ERV3-1: variants seen among roughly 807,000 people sequenced by gnomAD.
The protein encoded by ERV3-1 is endogenous retrovirus group 3 member 1, envelope.
Under a neutral mutation model 24.6 loss-of-function variants are expected in ERV3-1, and 36 were observed. The observed-to-expected ratio is 1.47, with a 90% confidence interval of 1.12 to 1.94. ERV3-1 has a LOEUF of 1.94. Ranked by LOEUF, ERV3-1 falls within the 30% of genes most tolerant of loss-of-function variation. The pLI is 0.00. For synonymous variants in ERV3-1, 211 were observed against 122.6 expected (o/e 1.72, Z -4.76); for missense variants, 578 against 330.9 (o/e 1.75, Z -5.79).
At chr7:65,001,403 T>C (rs1786520492) in intron 1 of ERV3-1, among the ~76,000 whole-genome samples, 1 of 152,186 alleles carries the variant, frequency 6.6e-6, no homozygotes, top group African/African-American at 2.4e-5. Flanking sequence ...AGGAGACTCG[T>C]AGACACTTTT....
rs1374253031 is a variant in ERV3-1, at chr7:64,991,505, G to A, written c.1522C>T (p.Pro508Ser). The change falls in exon 2 of 2, where the codon CCA becomes TCA. Residue 508 changes from proline to serine, a missense_variant. Physicochemically the swap from Pro to Ser is moderately conservative, Grantham distance 74. Coordinates refer to ENST00000394323, the MANE Select transcript of ERV3-1 (RefSeq NM_001007253.4). The part of the protein sequence containing the change: ...AEDGMWGYRT[P>S]VYMLNRIIRL... ...ATAATGCGGTTAAGCATGTAAACTG[G>A]GGTGCGGTATCCCCACATTCCATCT... The A allele has an allele frequency of 1.4e-6, 1 of 704,102 alleles. No homozygotes were observed. Among genetic ancestry groups the A allele is most frequent in the South Asian group, 1.5e-5 (1 of 67,592 alleles). The allele number at this position is 704,102 out of a possible 1,614,324, so 43.6% of individuals were successfully genotyped here.
In ERV3-1 at chr7:64,992,153, A is replaced by T. The variant is rs1786284987; in HGVS notation, c.874T>A (p.Cys292Ser). The change falls in exon 2 of 2, where the codon TGT becomes AGT. Residue 292 changes from cysteine to serine, a missense_variant. Transcript: ENST00000394323. ...NIASSLHVASCYVCGGMNMGD... is the reference protein window; with the variant it reads ...NIASSLHVASSYVCGGMNMGD... ...ATGTTCATTCCCCCACAGACATAACATGAAGCAACGTGCAGGCTGCTGGCT... is the reference window on the plus strand; with the variant it reads ...ATGTTCATTCCCCCACAGACATAACTTGAAGCAACGTGCAGGCTGCTGGCT... The T allele has an allele frequency of 1.3e-6, 1 of 766,298 alleles. No homozygotes were observed. The highest frequency in any genetic ancestry group is 1.3e-5 in the South Asian group (1 of 74,624). 47.5% of individuals were successfully genotyped at this position (766,298 alleles called of 1,614,324 possible).
intron 1 of ERV3-1, among the ~76,000 whole-genome samples, chr7:64,998,093 G>A (rs1210004429): frequency 3.3e-5 from 5 of 152,150 alleles, no homozygotes; most frequent in Non-Finnish European, 5.9e-5. Context: ...GTCACCATCT[G>A]AGTCTGGCTG....
rs1206848842 is a variant in ERV3-1, at chr7:64,992,936, A to C, written c.91T>G (p.Cys31Gly). Residue 31 changes from cysteine (C) to glycine (G), a missense_variant, in exon 2 of 2, where the codon TGC (cysteine) becomes GGC (glycine). Physicochemically the swap from Cys to Gly is radical, Grantham distance 159 (BLOSUM62 -3). Transcript: ENST00000394323. ...KGEPWEGCLH[C>G]THTTWSGNIM... The stretch of plus-strand genomic sequence containing the variant: ...TTCCCCGACCACGTAGTGTGGGTGC[A>C]GTGGAGGCATCCCTCCCAGGGTTCT... The C allele has an allele frequency of 2.6e-6, 2 of 766,340 alleles. No homozygotes were observed. Among genetic ancestry groups the C allele is most frequent in the African/African-American group, 3.4e-5 (2 of 59,146 alleles). The allele number at this position is 766,340 out of a possible 1,614,324, so 47.5% of individuals were successfully genotyped here.
At chr7:65,003,334 T>C (rs1318982913) in intron 1 of ERV3-1, among the ~76,000 whole-genome samples, 3 of 152,094 alleles carry the variant, frequency 2.0e-5, no homozygotes, top group African/African-American at 7.2e-5. Flanking sequence ...ATACAAAAAT[T>C]AGCTGGGTGT....
Position 64,993,304 on chromosome 7 carries a change from A to G in ERV3-1, c.-278T>C, listed in dbSNP as rs527317447. The G allele has an allele frequency of 4.4e-4, 156 of 354,022 alleles. 1 individual carries two copies. Among genetic ancestry groups the G allele is most frequent in the African/African-American group, 3.0e-3 (145 of 48,984 alleles). 21.9% of individuals were successfully genotyped at this position (354,022 alleles called of 1,614,324 possible). On this transcript the variant is annotated 5_prime_UTR_variant, in exon 2 of 2. The change abolishes an upstream ATG in the 5' untranslated region. Coordinates refer to ENST00000394323, the MANE Select transcript of ERV3-1 (RefSeq NM_001007253.4). ...GTCATCTCACTGGCACCTTGGTTCC[A>G]TCGTAGGATCAGCTGGGTTGCATGG...
chr7:64,998,752 G>A (rs1786457041), intron 1 of ERV3-1, among the ~76,000 whole-genome samples: 2 of 151,878 alleles, frequency 1.3e-5, no homozygotes, highest in Non-Finnish European at 2.9e-5. Flanking sequence ...TAAGTTGTGG[G>A]GCACCTCCCT....
chr7:65,006,323 C>T, intron 1 of ERV3-1: 2 of 727,852 alleles, frequency 2.7e-6, no homozygotes, highest in East Asian at 2.8e-5. Context: ...GGCACAGTCA[C>T]TGCGCAGGGA....
Position 64,992,554 on chromosome 7 carries a change from G to T in ERV3-1, c.473C>A (p.Thr158Asn), listed in dbSNP as rs1786301984. ...CCAGCAAGTTGTTACTGGGGAATCG[G>T]TGGAACAAGCAGGGTGTGCATACCT... is the stretch of plus-strand genomic sequence containing the variant. ...KNRYAHPACS[T>N]DSPVTTCWDC... The change falls in exon 2 of 2, where the codon ACC (threonine) becomes AAC (asparagine). Residue 158 changes from threonine (T) to asparagine (N), a missense_variant. Transcript: ENST00000394323. 2 of 766,408 alleles carry T rather than the reference G, an allele frequency of 2.6e-6. No individual in the cohort carries two copies. The highest frequency in any genetic ancestry group is 2.4e-5 in the East Asian group (1 of 41,230). The allele number at this position is 766,408 out of a possible 1,614,324, so 47.5% of individuals were successfully genotyped here.
rs1366281492 is a variant in ERV3-1, at chr7:64,992,450, T to C, written c.577A>G (p.Lys193Glu). 6.5e-6 allele frequency: 5 copies of C among 766,304 alleles called. No homozygotes were observed. The highest frequency in any genetic ancestry group is 2.4e-5 in the East Asian group (1 of 41,256). The allele number at this position is 766,304 out of a possible 1,614,324, so 47.5% of individuals were successfully genotyped here. The change falls in exon 2 of 2, where the codon AAA (lysine) becomes GAA (glutamate). Residue 193 changes from lysine (K) to glutamate (E), a missense_variant. By Grantham distance (56) the Lys-to-Glu change is moderately conservative. Coordinates refer to ENST00000394323, the MANE Select transcript of ERV3-1 (RefSeq NM_001007253.4). Reference sequence around the variant, plus strand: ...TTTACAGAATTGCAAGTGCTTGTTTTACAATCTGGTTCTAATGGTATTTTG... The same window carrying C: ...TTTACAGAATTGCAAGTGCTTGTTTCACAATCTGGTTCTAATGGTATTTTG... ...LTKIPLEPDC[K>E]TSTCNSVNLT...
rs975106131 is a variant in ERV3-1 at position 64,993,166 on chromosome 7, G to C, written c.-140C>G. On this transcript the variant is annotated 5_prime_UTR_variant, in exon 2 of 2. Transcript: ENST00000394323. ...CTTCCCTGATGATGACTCAAGCTTC[G>C]GCCGTGCATAGACTAGTCAGCTTCT... 1 of 602,714 alleles carries C rather than the reference G, an allele frequency of 1.7e-6. No individual in the cohort carries two copies. Among genetic ancestry groups the C allele is most frequent in the Non-Finnish European group, 3.0e-6 (1 of 338,914 alleles). 37.3% of individuals were successfully genotyped at this position (602,714 alleles called of 1,614,324 possible). A position where few individuals can be genotyped will look rare whatever the true frequency, so the allele number is the denominator to read the frequency against.
At chr7:65,004,903 AC>A (rs1786608670) in intron 1 of ERV3-1, 1 of 120,048 alleles carries the variant, frequency 8.3e-6, no homozygotes, top group African/African-American at 3.2e-5. Flanking sequence ...CTTTTGGGAT[AC>A]TATTTTCTCT....
Position 64,992,225 on chromosome 7 carries a change from G to C in ERV3-1, c.802C>G (p.Pro268Ala), listed in dbSNP as rs1228567191. 1.3e-6 allele frequency: 1 copy of C among 766,344 alleles called. No individual in the cohort carries two copies. 47.5% of individuals were successfully genotyped at this position (766,344 alleles called of 1,614,324 possible). The change falls in exon 2 of 2, where the codon CCC becomes GCC. Residue 268 changes from proline to alanine, a missense_variant. By Grantham distance (27) the Pro-to-Ala change is conservative (BLOSUM62 -1). Coordinates refer to ENST00000394323, the MANE Select transcript of ERV3-1 (RefSeq NM_001007253.4). ...YEHVNQKLPE[P>A]PPLASNLFAQ... ...AATAAATTACTGGCCAAGGGAGGGG[G>C]CTCAGGCAATTTCTGGTTAACATGC...
chr7:64,993,113 C>T lies in ERV3-1; in HGVS notation c.-87G>A. 1.6e-6 allele frequency: 1 copy of T among 614,530 alleles called. No homozygotes were observed. The highest frequency in any genetic ancestry group is 2.7e-5 in the East Asian group (1 of 36,996). 38.1% of individuals were successfully genotyped at this position (614,530 alleles called of 1,614,324 possible). On this transcript the variant is annotated 5_prime_UTR_variant, in exon 2 of 2. Coordinates refer to ENST00000394323, the MANE Select transcript of ERV3-1 (RefSeq NM_001007253.4). Reference sequence around the variant, plus strand: ...GTAATTAATATGACAAGGAAAATTACTGGACTTCAGATTTCTAACCACATT... The same window carrying T: ...GTAATTAATATGACAAGGAAAATTATTGGACTTCAGATTTCTAACCACATT...
rs1786320388 is a variant in ERV3-1, at chr7:64,993,079, A to G, written c.-53T>C. The G allele has an allele frequency of 3.0e-6, 2 of 655,846 alleles. No homozygotes were observed. 40.6% of individuals were successfully genotyped at this position (655,846 alleles called of 1,614,324 possible). A position where few individuals can be genotyped will look rare whatever the true frequency, so the allele number is the denominator to read the frequency against. On this transcript the variant is annotated 5_prime_UTR_variant, in exon 2 of 2. Coordinates refer to ENST00000394323, the MANE Select transcript of ERV3-1 (RefSeq NM_001007253.4). ...AGAAGGCTAAGCAAAGTGACAGCTT[A>G]ATAGCAAAGTAATTAATATGACAAG...
In ERV3-1 at chr7:65,000,373, C is replaced by T. The variant is rs375413399; in HGVS notation, c.-389+6168G>A. On this transcript the variant is annotated intron_variant, in intron 1 of 1. Coordinates refer to ENST00000394323, the MANE Select transcript of ERV3-1 (RefSeq NM_001007253.4). ...AAGTAGCTGGGACTACAGGTGCCCA[C>T]CACCACGCCTGGCTAATTTTTTGTA... Among the ~76,000 whole-genome samples, 181 of 149,434 alleles carry T rather than the reference C, an allele frequency of 1.2e-3. 1 individual carries two copies. The highest frequency in any genetic ancestry group is 4.2e-3 in the African/African-American group (170 of 40,516).
In ERV3-1 at chr7:64,991,787, G is replaced by C; in HGVS notation, c.1240C>G (p.Pro414Ala). The C allele has an allele frequency of 2.6e-6, 2 of 766,164 alleles. No individual in the cohort carries two copies. The allele number at this position is 766,164 out of a possible 1,614,324, so 47.5% of individuals were successfully genotyped here. A position where few individuals can be genotyped will look rare whatever the true frequency, so the allele number is the denominator to read the frequency against. ...CCACAGATCCAGTAGAGGCCAGAGG[G>C]TGCCTGCCAGGTATTTGGAGCTTCA... Reference protein sequence around the residue: ...QLEAPNTWQAPSGLYWICGPQ... With the variant: ...QLEAPNTWQAASGLYWICGPQ... The change falls in exon 2 of 2, where the codon CCC (proline) becomes GCC (alanine). Residue 414 changes from proline (P) to alanine (A), a missense_variant. Physicochemically the swap from Pro to Ala is conservative, Grantham distance 27. Transcript: ENST00000394323.
chr7:65,002,393 G>A (rs1786542925), intron 1 of ERV3-1, among the ~76,000 whole-genome samples: 3 of 152,276 alleles, frequency 2.0e-5, no homozygotes, highest in African/African-American at 4.8e-5. Context: ...GCACGATCTT[G>A]GGTCACTGAA....
intron 1 of ERV3-1, among the ~76,000 whole-genome samples, chr7:64,997,602 T>C (rs1463230465): frequency 6.6e-6 from 1 of 152,168 alleles, no homozygotes; most frequent in Non-Finnish European, 1.5e-5. Flanking sequence ...GGTCCCAGTG[T>C]AGGCTGGCTT....
Sources: allele counts gnomAD v4.1 joint callset (sites outside exome capture counted in the v4.1 genomes callset), GRCh38; gene constraint gnomAD v4.1.1; transcripts MANE v1.5; gene names NCBI Gene and HGNC (gene_info 2026-07-23, HGNC 2026-07-21).